Variants in NELL2 observed in about 807,000 individuals in gnomAD.
The protein encoded by NELL2 is protein kinase C-binding protein NELL2.
In NELL2, 41 loss-of-function variants were observed where a neutral mutation model predicts 109.6. The observed-to-expected ratio is 0.37, with a 90% confidence interval of 0.29 to 0.49. The LOEUF is 0.49. Ranked by LOEUF, NELL2 falls within the 20% of genes least tolerant of loss-of-function variation. The pLI, the probability that NELL2 is intolerant of heterozygous loss-of-function variation, is 0.98. For missense variants in NELL2, 900 were observed against 1,008.3 expected (o/e 0.89, Z 1.45); for synonymous variants, 355 against 344.7 (o/e 1.03, Z -0.33).
At chr12:44,748,860 AAG>A (rs1259233510) in intron 9 of NELL2, among the ~76,000 whole-genome samples, 1 of 152,172 alleles carries the variant, frequency 6.6e-6, no homozygotes, top group Non-Finnish European at 1.5e-5. Context: ...ATGACTAGCA[AAG>A]AGAGAGGAAG....
At chr12:44,698,921 C>G (rs1168731279) in intron 12 of NELL2, among the ~76,000 whole-genome samples, 1 of 152,054 alleles carries the variant, frequency 6.6e-6, no homozygotes, top group Non-Finnish European at 1.5e-5. Context: ...GCTGTCATCC[C>G]CAGCAACTAT....
chr12:44,713,201 C>G (rs1486069691), intron 10 of NELL2, among the ~76,000 whole-genome samples: 15 of 148,382 alleles, frequency 1.0e-4, no homozygotes, highest in African/African-American at 3.6e-4. Context: ...CACACACACA[C>G]ACACACACAC....
intron 19 of NELL2, among the ~76,000 whole-genome samples, chr12:44,517,436 C>G (rs1369888211): frequency 7.0e-6 from 1 of 142,740 alleles, no homozygotes; most frequent in Non-Finnish European, 1.5e-5. Flanking sequence ...CCACTCTTGC[C>G]ATGTGAAATG....
chr12:44,865,624 G>A (rs1421658736), intron 2 of NELL2, among the ~76,000 whole-genome samples: 1 of 94,760 alleles, frequency 1.1e-5, no homozygotes, highest in African/African-American at 4.0e-5. Flanking sequence ...GAGATCACAT[G>A]TACACAAGAA....
intron 9 of NELL2, among the ~76,000 whole-genome samples, chr12:44,767,075 G>T (rs143352155): frequency 3.9e-5 from 6 of 152,136 alleles, no homozygotes; most frequent in Admixed American, 6.5e-5. Flanking sequence ...GACAGTATCC[G>T]TGTTACGTCT....
At chr12:44,639,306 A>G (rs1258638883) in intron 13 of NELL2, among the ~76,000 whole-genome samples, 3 of 152,144 alleles carry the variant, frequency 2.0e-5, no homozygotes, top group Non-Finnish European at 4.4e-5. Flanking sequence ...TAAGCCACAG[A>G]CACCCACAAA....
intron 3 of NELL2, among the ~76,000 whole-genome samples, chr12:44,784,546 C>T (rs1942089254): frequency 6.6e-6 from 1 of 152,068 alleles, no homozygotes; most frequent in Admixed American, 6.6e-5. Context: ...CAGCATCATC[C>T]TAATGCCAAA....
At chr12:44,714,837 C>G in intron 9 of NELL2, 96 bp from the exon 10 acceptor site, 1 of 673,772 alleles carries the variant, frequency 1.5e-6, no homozygotes, top group Non-Finnish European at 2.4e-6. Context: ...ATGTTATACA[C>G]CTTTTTTCAA....
chr12:44,852,227 C>T (rs1385695859), intron 2 of NELL2, among the ~76,000 whole-genome samples: 1 of 152,114 alleles, frequency 6.6e-6, no homozygotes, highest in Non-Finnish European at 1.5e-5. Flanking sequence ...GAATGTATTT[C>T]TACAGATTCA....
chr12:44,562,364 T>C (rs960108080), intron 15 of NELL2, among the ~76,000 whole-genome samples: 4 of 152,114 alleles, frequency 2.6e-5, no homozygotes, highest in Non-Finnish European at 5.9e-5. Flanking sequence ...GAAACTATCA[T>C]CAGAGTGAAC....
chr12:44,581,856 G>A (rs1944335361), intron 15 of NELL2, among the ~76,000 whole-genome samples: 1 of 152,070 alleles, frequency 6.6e-6, no homozygotes, highest in African/African-American at 2.4e-5. Context: ...TGAAATTAGG[G>A]CCTAAAACAT....
chr12:44,694,170 T>A (rs1011687643), intron 12 of NELL2, among the ~76,000 whole-genome samples: 1 of 152,172 alleles, frequency 6.6e-6, no homozygotes, highest in African/African-American at 2.4e-5. Context: ...GAAATTAACA[T>A]TTGAATCTGT....
intron 13 of NELL2, among the ~76,000 whole-genome samples, chr12:44,646,371 T>C (rs1417731751): frequency 6.6e-6 from 1 of 152,184 alleles, no homozygotes; most frequent in Non-Finnish European, 1.5e-5. Context: ...TAGAATAGTC[T>C]CTGCTTATTG....
chr12:44,551,037 G>A (rs728065), intron 15 of NELL2, among the ~76,000 whole-genome samples: 42,061 of 151,934 alleles, frequency 0.28, 5,898 homozygotes, highest in South Asian at 0.35. Context: ...AGTACAAAAA[G>A]CAATAAAATT....
chr12:44,835,666 T>C (rs1436884026), intron 2 of NELL2, among the ~76,000 whole-genome samples: 6 of 152,232 alleles, frequency 3.9e-5, no homozygotes, highest in Non-Finnish European at 8.8e-5. Context: ...AATGGTTAGG[T>C]CCTCTGAAGA....
At chr12:44,916,510 T>A (rs1945829918), upstream of NELL2, among the ~76,000 whole-genome samples, 1 of 152,168 alleles carries the variant, frequency 6.6e-6, no homozygotes, top group South Asian at 2.1e-4. Flanking sequence ...GAAATTAATA[T>A]TAAATAGGGC....
intron 9 of NELL2, among the ~76,000 whole-genome samples, chr12:44,736,143 T>C (rs944305047): frequency 1.3e-5 from 2 of 151,480 alleles, no homozygotes; most frequent in Non-Finnish European, 2.9e-5. Context: ...CCCGAGTAGC[T>C]GGGACTACAG....
At chr12:44,707,954 C>T (rs1315444231) in intron 11 of NELL2, among the ~76,000 whole-genome samples, 2 of 151,978 alleles carry the variant, frequency 1.3e-5, no homozygotes, top group African/African-American at 4.8e-5. Flanking sequence ...TGTGGATGCC[C>T]CTATTGCTTA....
At chr12:44,546,548 T>C (rs1419006199) in intron 15 of NELL2, among the ~76,000 whole-genome samples, 1 of 152,208 alleles carries the variant, frequency 6.6e-6, no homozygotes, top group Non-Finnish European at 1.5e-5. Context: ...TGAAACAGGC[T>C]ATGTGTTTCT....
Sources: gnomAD v4.1 joint callset for allele counts (sites outside exome capture counted in the v4.1 genomes callset) on GRCh38, gnomAD v4.1.1 for gene constraint, MANE v1.5 for transcripts, NCBI Gene and HGNC (gene_info 2026-07-23, HGNC 2026-07-21) for gene names.